SLCO4A1: variants seen among roughly 807,000 people sequenced by gnomAD.
SLCO4A1 encodes the protein solute carrier organic anion transporter family member 4A1.
In SLCO4A1, 51 loss-of-function variants were observed where a neutral mutation model predicts 64.6. The observed-to-expected ratio is 0.79, with a 90% CI of 0.63 to 1.00. The LOEUF (loss-of-function observed/expected upper bound fraction) is 1.00, where lower values mean the gene tolerates loss of function less well. Ranked by LOEUF, SLCO4A1 falls within the 50% of genes least tolerant of loss-of-function variation. The pLI is 0.00. For synonymous variants in SLCO4A1, 471 were observed against 444.9 expected (o/e 1.06, Z -0.74); for missense variants, 919 against 980.5 (o/e 0.94, Z 0.84).
intron 9 of SLCO4A1, 119 bp downstream of exon 9, chr20:62,668,303 C>G (rs1415430470): frequency 7.6e-7 from 1 of 1,311,094 alleles, no homozygotes; most frequent in Non-Finnish European, 1.1e-6. Flanking sequence ...GCGGGCCTGT[C>G]TGTCACTGGT....
Position 62,658,692 on chromosome 20 carries a change from C to A in SLCO4A1, c.812C>A (p.Ala271Glu), listed in dbSNP as rs367785177. The A allele has an allele frequency of 5.0e-6, 8 of 1,611,218 alleles. No individual in the cohort carries two copies. The East Asian group carries it at 6.7e-5, about 13-fold the overall frequency. Reference protein sequence around the residue: ...SPVYIAIFYTAAILGPAAGYL... With the variant: ...SPVYIAIFYTEAILGPAAGYL... ...TCTCTCGCAGCCATCTTCTACACAG[C>A]GGCCATCCTGGGCCCAGCTGCCGGC... Residue 271 changes from alanine (A) to glutamate (E), a missense_variant, in exon 3 of 12, where the codon GCG becomes GAG. Transcript: ENST00000217159.
At position 62,671,778 on chromosome 20, in the gene SLCO4A1, C is replaced by G; in HGVS notation, c.2054C>G (p.Ala685Gly). The G allele has an allele frequency of 6.2e-7, 1 of 1,613,672 alleles. No homozygotes were observed. The highest frequency in any genetic ancestry group is 8.5e-7 in the Non-Finnish European group (1 of 1,179,998). ...CTGGGCGTCCTCTTCTTTGCCATAG[C>G]CTGCTTCTTATACAAGCCCCTGTCG... The part of the protein sequence containing the change: ...KVLGVLFFAI[A>G]CFLYKPLSES... Residue 685 changes from alanine (A) to glycine (G), a missense_variant, in exon 12 of 12, where the codon GCC (alanine) becomes GGC (glycine). Physicochemically the swap from Ala to Gly is moderately conservative, Grantham distance 60. Coordinates refer to ENST00000217159, the MANE Select transcript of SLCO4A1 (RefSeq NM_016354.4).
chr20:62,652,405 C>G (rs534572789), intron 1 of SLCO4A1, among the ~76,000 whole-genome samples: 50 of 152,260 alleles, frequency 3.3e-4, no homozygotes, highest in African/African-American at 1.1e-3. Context: ...AGGTTGCTTT[C>G]TGTTTCGGCG....
rs149720499 is a variant in SLCO4A1, at chr20:62,656,520, C to T, written c.66C>T (p.Asn22=). The T allele has an allele frequency of 4.0e-5, 63 of 1,563,762 alleles. No homozygotes were observed. In the African/African-American group the frequency reaches 5.3e-4, roughly 13 times the overall value. Residue 22 remains asparagine, a synonymous_variant, in exon 2 of 12, where the codon AAC becomes AAT. Coordinates refer to ENST00000217159, the MANE Select transcript of SLCO4A1 (RefSeq NM_016354.4). The part of the protein sequence containing the change: ...TFPSPNSAME[N]GLDHTPPSRR... ...CCAGCCCCAACTCAGCCATGGAAAA[C>T]GGGCTTGACCACACCCCACCCAGCA...
chr20:62,660,526 G>T lies in SLCO4A1; in HGVS notation c.1002G>T (p.Gln334His). The change falls in exon 4 of 12, where the codon CAG (glutamine) becomes CAT (histidine). Residue 334 changes from glutamine (Q) to histidine (H), a missense_variant. Coordinates refer to ENST00000217159, the MANE Select transcript of SLCO4A1 (RefSeq NM_016354.4). The part of the protein sequence containing the change: ...TAVPILGYPR[Q>H]LPGSQRYAVM... Reference sequence around the variant, plus strand: ...TTCCCATCCTTGGTTACCCTCGGCAGCTGCCAGGTGGGTTTCCCTTCCCCA... The same window carrying T: ...TTCCCATCCTTGGTTACCCTCGGCATCTGCCAGGTGGGTTTCCCTTCCCCA... 1.2e-6 allele frequency: 2 copies of T among 1,605,014 alleles called. No individual in the cohort carries two copies. Among genetic ancestry groups the T allele is most frequent in the Non-Finnish European group, 8.5e-7 (1 of 1,179,928 alleles).
chr20:62,656,783 G>A lies in SLCO4A1; in HGVS notation c.329G>A (p.Cys110Tyr), dbSNP rs2147077545. The change falls in exon 2 of 12, where the codon TGT becomes TAT. Residue 110 changes from cysteine (C) to tyrosine (Y), a missense_variant. Cys to Tyr is a radical substitution (Grantham distance 194). Coordinates refer to ENST00000217159, the MANE Select transcript of SLCO4A1 (RefSeq NM_016354.4). ...NTPKGILFFL[C>Y]AAAFLQGMTV... ...CCCAAGGGCATCCTGTTCTTCCTGT[G>A]TGCGGCCGCATTCCTGCAGGGGATG... The A allele has an allele frequency of 6.2e-7, 1 of 1,612,862 alleles. No individual in the cohort carries two copies. Among genetic ancestry groups the A allele is most frequent in the Non-Finnish European group, 8.5e-7 (1 of 1,179,908 alleles).
In SLCO4A1 at chr20:62,666,367, TCCCTC is replaced by T. The variant is rs1156257078; in HGVS notation, c.1277-12_1277-8del. ...CTGCCTGAGTCCCTGGCTGAATCCC[TCCCTC>T]TCCCCAGGGTACCTGGTGGTGCCAG... On this transcript the variant is annotated splice_polypyrimidine_tract_variant and splice_region_variant and intron_variant, in intron 6 of 11. Coordinates refer to ENST00000217159, the MANE Select transcript of SLCO4A1 (RefSeq NM_016354.4). 11 of 1,610,588 alleles carry T rather than the reference TCCCTC, an allele frequency of 6.8e-6. No individual in the cohort carries two copies. The African/African-American group carries it at 1.5e-4, about 22-fold the overall frequency.
chr20:62,651,088 A>C lies in SLCO4A1; in HGVS notation c.-96-5271A>C, dbSNP rs148847592. On this transcript the variant is annotated intron_variant, in intron 1 of 11. Coordinates refer to ENST00000217159, the MANE Select transcript of SLCO4A1 (RefSeq NM_016354.4). ...TGAGAGTCCAGAGTGTTGCCTGCCC[A>C]GCGTCACTCCACAACCCATCTGTCC... Among the ~76,000 whole-genome samples, 1,151 of 152,288 alleles carry C rather than the reference A, an allele frequency of 7.6e-3. 17 individuals carry two copies. Among genetic ancestry groups the C allele is most frequent in the African/African-American group, 0.026 (1,085 of 41,540 alleles).
At chr20:62,678,312 C>G (rs1987682218) in intron 2 of SLCO4A1, among the ~76,000 whole-genome samples, 1 of 152,176 alleles carries the variant, frequency 6.6e-6, no homozygotes, top group Non-Finnish European at 1.5e-5. Flanking sequence ...TAAAAGAAAG[C>G]TGTTGACAAT....
At chr20:62,659,701 G>A (rs1278083987) in intron 3 of SLCO4A1, among the ~76,000 whole-genome samples, 12 of 152,212 alleles carry the variant, frequency 7.9e-5, no homozygotes, top group Admixed American at 4.6e-4. Flanking sequence ...AGCAGGTGCC[G>A]CCTGGCTGCA....
intron 2 of SLCO4A1, among the ~76,000 whole-genome samples, chr20:62,680,950 G>C (rs1001960268): frequency 6.6e-6 from 1 of 152,158 alleles, no homozygotes; most frequent in Non-Finnish European, 1.5e-5. Context: ...TGTCACCTGG[G>C]CTGGATCACG....
intron 10 of SLCO4A1, 135 bp from the exon 11 acceptor site, chr20:62,668,795 C>T: frequency 1.1e-6 from 1 of 943,334 alleles, no homozygotes; most frequent in Admixed American, 2.6e-5. Context: ...TTTAAGCCCT[C>T]TTTGCACCCC....
rs1018909272 is a variant in SLCO4A1 at position 62,661,237 on chromosome 20, G to C, written c.1121+62G>C. ...AGACCCTTTAATGGTCCCCATCTTG[G>C]GGGAGTCGTTGAGACCCCTCCGGGA... On this transcript the variant is annotated intron_variant, in intron 5 of 11. Coordinates refer to ENST00000217159, the MANE Select transcript of SLCO4A1 (RefSeq NM_016354.4). This position sits in a 1 kb window ranked among gnomAD's most constrained non-coding sequence, Gnocchi z 5.2. The C allele has an allele frequency of 6.5e-6, 8 of 1,238,266 alleles. No individual in the cohort carries two copies. The African/African-American group carries it at 1.0e-4, about 16-fold the overall frequency. 76.7% of individuals were successfully genotyped at this position (1,238,266 alleles called of 1,614,324 possible). A position where few individuals can be genotyped will look rare whatever the true frequency, so the allele number is the denominator to read the frequency against.
Position 62,664,947 on chromosome 20 carries a change from C to T in SLCO4A1, c.1135C>T (p.Leu379=), listed in dbSNP as rs1434373181. The T allele has an allele frequency of 6.2e-7, 1 of 1,609,624 alleles. No individual in the cohort carries two copies. Among genetic ancestry groups the T allele is most frequent in the East Asian group, 2.2e-5 (1 of 44,832 alleles). ...ACCTCTGCCCAGCTCCATCTGGCTC[C>T]TGCTGAAGAACCCCACGTTCATCCT... ...IRDLPLSIWL[L]LKNPTFILLC... Residue 379 remains leucine, a synonymous_variant, in exon 6 of 12, where the codon CTG becomes TTG. Coordinates refer to ENST00000217159, the MANE Select transcript of SLCO4A1 (RefSeq NM_016354.4).
intron 6 of SLCO4A1, 100 bp from the exon 7 acceptor site, chr20:62,666,280 C>T (rs893098098): frequency 2.0e-6 from 2 of 1,017,986 alleles, no homozygotes; most frequent in East Asian, 2.4e-5. Context: ...CCCTCTATGC[C>T]TCAGTTTCCC....
rs372932311 is a variant in SLCO4A1 at position 62,660,496 on chromosome 20, C to G, written c.972C>G (p.Thr324=). The G allele has an allele frequency of 6.2e-7, 1 of 1,605,554 alleles. No homozygotes were observed. Among genetic ancestry groups the G allele is most frequent in the South Asian group, 1.1e-5 (1 of 91,076 alleles). The part of the protein sequence containing the change: ...FLGSGAAAFF[T]AVPILGYPRQ... ...GCTCTGGGGCCGCTGCTTTCTTCAC[C>G]GCCGTTCCCATCCTTGGTTACCCTC... is the stretch of plus-strand genomic sequence containing the variant. The change falls in exon 4 of 12, where the codon ACC becomes ACG. Residue 324 remains threonine, a synonymous_variant. Coordinates refer to ENST00000217159, the MANE Select transcript of SLCO4A1 (RefSeq NM_016354.4).
At position 62,668,998 on chromosome 20, in the gene SLCO4A1, T is replaced by A; in HGVS notation, c.1945T>A (p.Cys649Ser). 1 of 1,610,404 alleles carries A rather than the reference T, an allele frequency of 6.2e-7. No homozygotes were observed. Among genetic ancestry groups the A allele is most frequent in the Middle Eastern group, 1.7e-4 (1 of 6,050 alleles). The change falls in exon 11 of 12, where the codon TGT becomes AGT. Residue 649 changes from cysteine to serine, a missense_variant. Transcript: ENST00000217159. The stretch of plus-strand genomic sequence containing the variant: ...GGCCTGTCTGCTGTGGCAGGACCAG[T>A]GTGGCCAGCAGGGCTCCTGCTTGGT... ...DKACLLWQDQ[C>S]GQQGSCLVYQ...
chr20:62,677,614 A>C (rs1264537138), intron 2 of SLCO4A1, among the ~76,000 whole-genome samples: 4 of 152,238 alleles, frequency 2.6e-5, no homozygotes, highest in African/African-American at 9.6e-5. Context: ...CCTGCACTCC[A>C]ACCCCACTGA....
At chr20:62,650,204 G>T (rs1982209084) in intron 1 of SLCO4A1, 1 of 152,308 alleles carries the variant, frequency 6.6e-6, no homozygotes, top group South Asian at 2.1e-4. Context: ...CCAATTCCAA[G>T]TGGAAAGAAA....
Sources: allele counts gnomAD v4.1 joint callset (sites outside exome capture counted in the v4.1 genomes callset), GRCh38; gene constraint gnomAD v4.1.1; non-coding constraint Gnocchi (gnomAD v3.1); transcripts MANE v1.5; gene names NCBI Gene and HGNC (gene_info 2026-07-23, HGNC 2026-07-21).